The following EXTL3 variants were observed in gnomAD, a reference collection of about 807,000 sequenced individuals.
EXTL3 encodes the protein exostosin like glycosyltransferase 3.
A neutral mutation model predicts 69.3 loss-of-function variants in EXTL3; 27 were observed. The observed-to-expected ratio is 0.39, with a 90% CI of 0.29 to 0.54. EXTL3 has a LOEUF of 0.54. Ranked by LOEUF, EXTL3 falls within the 20% of genes least tolerant of loss-of-function variation. EXTL3 has a pLI of 0.69. For synonymous variants in EXTL3, 511 were observed against 499.4 expected, an observed-to-expected ratio of 1.02 and a Z score of -0.31; for missense variants, 1,003 against 1,231.8, an observed-to-expected ratio of 0.81 and a Z score of 2.78.
At chr8:28,710,011 C>T (rs1801001478) in intron 1 of EXTL3, among the ~76,000 whole-genome samples, 1 of 152,200 alleles carries the variant, frequency 6.6e-6, no homozygotes, top group African/African-American at 2.4e-5. Context: ...GCGACTTCTG[C>T]TTTGCATTTG....
chr8:28,714,983 G>A (rs910859722), intron 2 of EXTL3, among the ~76,000 whole-genome samples: 2 of 152,222 alleles, frequency 1.3e-5, no homozygotes, highest in Admixed American at 1.3e-4. Flanking sequence ...TTAAGAAAGA[G>A]CACATGATGT....
chr8:28,671,464 G>A (rs927503515), intron 1 of EXTL3, among the ~76,000 whole-genome samples: 1 of 151,568 alleles, frequency 6.6e-6, no homozygotes, highest in Non-Finnish European at 1.5e-5. Flanking sequence ...TTCAACCTCT[G>A]GAGTAGGTGA....
At chr8:28,739,189 A>G (rs951844552) in intron 5 of EXTL3, among the ~76,000 whole-genome samples, 15 of 152,150 alleles carry the variant, frequency 9.9e-5, no homozygotes, top group Admixed American at 9.2e-4. Context: ...TCCCTCAGAC[A>G]CTTCAGGTAA....
At chr8:28,749,251 A>G (rs763729989) in intron 6 of EXTL3, among the ~76,000 whole-genome samples, 4 of 152,238 alleles carry the variant, frequency 2.6e-5, no homozygotes, top group Non-Finnish European at 5.9e-5. Context: ...TAGATAGACT[A>G]TAAAACAAGT....
chr8:28,715,563 C>T (rs1173466560), intron 2 of EXTL3, 22 bp from the exon 3 acceptor site: 1 of 157,480 alleles, frequency 6.4e-6, no homozygotes, highest in Non-Finnish European at 1.4e-5. Flanking sequence ...TCAAGACTGA[C>T]ATGGTTCTCT....
At chr8:28,714,377 A>G in intron 2 of EXTL3, among the ~76,000 whole-genome samples, 1 of 152,220 alleles carries the variant, frequency 6.6e-6, no homozygotes, top group Non-Finnish European at 1.5e-5. Context: ...TAAAAAGGAG[A>G]GAAGACTATT....
At chr8:28,630,590 G>A (rs10107925) in intron 1 of EXTL3, among the ~76,000 whole-genome samples, 3,784 of 152,272 alleles carry the variant, frequency 0.025, 150 homozygotes, top group African/African-American at 0.086. Flanking sequence ...AGAATGTTAC[G>A]TTTCCTCATC....
rs1801180825 is a variant in EXTL3 at position 28,717,363 on chromosome 8, C to T, written c.1304C>T (p.Thr435Ile). Residue 435 changes from threonine to isoleucine, a missense_variant, in exon 3 of 7, where the codon ACC (threonine) becomes ATC (isoleucine). Around this residue, in one of 2 missense-constraint regions of EXTL3, gnomAD observed 742 missense variants for 815.4 expected, o/e 0.91. Transcript: ENST00000220562. The surrounding 1 kb of genome is among the most constrained non-coding windows in gnomAD (Gnocchi z 8.3). ...LKLSTFALII[T>I]PGDPRLVISS... ...CTCTCCACCTTCGCCCTCATCATTA[C>T]CCCCGGGGACCCTCGCTTGGTTATT... The T allele has an allele frequency of 3.1e-6, 5 of 1,614,194 alleles. No homozygotes were observed. Among genetic ancestry groups the T allele is most frequent in the African/African-American group, 2.7e-5 (2 of 75,058 alleles).
chr8:28,718,202 A>C lies in EXTL3; in HGVS notation c.2143A>C (p.Ile715Leu). 1 of 1,614,020 alleles carries C rather than the reference A, an allele frequency of 6.2e-7. No homozygotes were observed. Among genetic ancestry groups the C allele is most frequent in the Non-Finnish European group, 8.5e-7 (1 of 1,179,932 alleles). ...TCTGTGGCCTGACATTGGCGTCCCC[A>C]TCATGGTAATAGAGAAACGAACAGT... ...DLLWPDIGVP[I>L]MVVRTEKNSL... The change falls in exon 3 of 7, where the codon ATC (isoleucine) becomes CTC (leucine). Residue 715 changes from isoleucine (I) to leucine (L), a missense_variant. Physicochemically the swap from Ile to Leu is conservative, Grantham distance 5. This residue lies in a region of EXTL3 where 261 missense variants were observed against 416.4 expected (regional missense o/e 0.63). Coordinates refer to ENST00000220562, the MANE Select transcript of EXTL3 (RefSeq NM_001440.4).
chr8:28,634,408 A>G (rs1214310919), intron 1 of EXTL3, among the ~76,000 whole-genome samples: 1 of 152,032 alleles, frequency 6.6e-6, no homozygotes, highest in African/African-American at 2.4e-5. Flanking sequence ...GCACCCAGGA[A>G]GAAGTCTGTT....
chr8:28,746,776 A>T (rs1240896132), intron 6 of EXTL3, among the ~76,000 whole-genome samples: 2 of 152,102 alleles, frequency 1.3e-5, no homozygotes. Context: ...CCCGGGTTCA[A>T]GCGATTTTCC....
At chr8:28,674,374 A>C (rs1194196149) in intron 1 of EXTL3, among the ~76,000 whole-genome samples, 1 of 152,190 alleles carries the variant, frequency 6.6e-6, no homozygotes, top group Non-Finnish European at 1.5e-5. Context: ...TGCCTGGCTT[A>C]TATATGATAC....
At chr8:28,665,939 G>A (rs1807190018) in intron 1 of EXTL3, among the ~76,000 whole-genome samples, 1 of 152,166 alleles carries the variant, frequency 6.6e-6, no homozygotes, top group African/African-American at 2.4e-5. Flanking sequence ...CTTCTGTCTG[G>A]CGTCATCCAG....
intron 1 of EXTL3, among the ~76,000 whole-genome samples, chr8:28,628,128 G>A (rs1449405595): frequency 1.3e-5 from 2 of 152,172 alleles, no homozygotes; most frequent in Non-Finnish European, 2.9e-5. Context: ...TTGGGAGGCC[G>A]AGACTAGTGG....
At chr8:28,745,237 A>G (rs1018506791) in intron 6 of EXTL3, among the ~76,000 whole-genome samples, 1 of 152,252 alleles carries the variant, frequency 6.6e-6, no homozygotes, top group African/African-American at 2.4e-5. Context: ...GGTGGCCACC[A>G]GAGGACGCTG....
upstream of EXTL3, chr8:28,698,363 C>G (rs926070941): frequency 2.6e-5 from 4 of 152,182 alleles, no homozygotes; most frequent in African/African-American, 9.7e-5. Context: ...CAGATGAGCA[C>G]ACGAGTTAGG....
rs1262314053 is a variant in EXTL3 at position 28,623,290 on chromosome 8, C to T, written c.-53+480C>T. On this transcript the variant is annotated intron_variant, in intron 1 of 6. Coordinates refer to the EXTL3 transcript ENST00000523149. The surrounding 1 kb of genome is among the most constrained non-coding windows in gnomAD (Gnocchi z 4.2). Reference sequence around the variant, plus strand: ...TGGGTAAGCCCGTGCCGTGGGTGCCCTCCAGTCCCTGCAGCCCCAAACACA... The same window carrying T: ...TGGGTAAGCCCGTGCCGTGGGTGCCTTCCAGTCCCTGCAGCCCCAAACACA... Among the ~76,000 whole-genome samples, 7 of 152,178 alleles carry T rather than the reference C, an allele frequency of 4.6e-5. No homozygotes were observed. The highest frequency in any genetic ancestry group is 8.8e-5 in the Non-Finnish European group (6 of 68,008).
Position 28,717,738 on chromosome 8 carries a change from C to G in EXTL3, c.1679C>G (p.Ala560Gly), listed in dbSNP as rs200494893. The G allele has an allele frequency of 6.2e-6, 10 of 1,614,252 alleles. No homozygotes were observed. In the South Asian group the frequency reaches 1.1e-4, roughly 18 times the overall value. ...GAGATCCCCCACCGTTCAGGCAAGG[C>G]GGCTGGAACTGACCCCAACATGGCT... ...AAEIPHRSGK[A>G]AGTDPNMADN... The change falls in exon 3 of 7, where the codon GCG becomes GGG. Residue 560 changes from alanine to glycine, a missense_variant. Around this residue, in one of 2 missense-constraint regions of EXTL3, gnomAD observed 742 missense variants for 815.4 expected, o/e 0.91. Transcript: ENST00000220562. The surrounding 1 kb of genome is among the most constrained non-coding windows in gnomAD (Gnocchi z 8.3).
chr8:28,699,250 A>G (rs73566901), upstream of EXTL3, among the ~76,000 whole-genome samples: 541 of 152,322 alleles, frequency 3.6e-3, 1 homozygote, highest in African/African-American at 0.012. Flanking sequence ...GCAGGGCCCC[A>G]AGCTCTGCTG....
Sources: gnomAD v4.1 joint callset for allele counts (sites outside exome capture counted in the v4.1 genomes callset) on GRCh38, gnomAD v4.1.1 for gene constraint, gnomAD v4.1.1 regional missense constraint, Gnocchi (gnomAD v3.1) non-coding constraint, MANE v1.5 for transcripts, NCBI Gene and HGNC (gene_info 2026-07-23, HGNC 2026-07-21) for gene names.